KIAA1217: variants seen among roughly 807,000 people sequenced by gnomAD.
KIAA1217 encodes KIAA1217, also known as sickle tail protein homolog.
Under a neutral mutation model 163.9 loss-of-function variants are expected in KIAA1217, and 88 were observed. That is an observed-to-expected ratio of 0.54 (90% CI 0.45 to 0.64). The LOEUF is 0.64. Ranked by LOEUF, KIAA1217 falls within the 30% of genes least tolerant of loss-of-function variation. KIAA1217 has a pLI of 0.00. For synonymous variants in KIAA1217, 903 were observed against 923.1 expected, an observed-to-expected ratio of 0.98 and a Z score of 0.39; for missense variants, 2,372 against 2,475.0, an observed-to-expected ratio of 0.96 and a Z score of 0.88.
At chr10:23,816,356 T>G (rs1837313289) in intron 1 of KIAA1217, among the ~76,000 whole-genome samples, 1 of 152,054 alleles carries the variant, frequency 6.6e-6, no homozygotes, top group South Asian at 2.1e-4. Flanking sequence ...GCAGTGGTGC[T>G]ATCTCGGCTC....
chr10:24,281,943 G>C (rs1037193726), intron 2 of KIAA1217, among the ~76,000 whole-genome samples: 1 of 152,068 alleles, frequency 6.6e-6, no homozygotes, highest in Non-Finnish European at 1.5e-5. Flanking sequence ...TGTAGTCCCA[G>C]CTACTCAGGA....
chr10:23,940,460 C>CAAAAAAAACAAAAAAA (rs1843716028), intron 1 of KIAA1217, among the ~76,000 whole-genome samples: 1 of 46,028 alleles, frequency 2.2e-5, no homozygotes, highest in Admixed American at 2.7e-4. Flanking sequence ...GACTCCGTCT[C>CAAAAAAAACAAAAAAA]AAAAAAAAAA....
intron 2 of KIAA1217, among the ~76,000 whole-genome samples, chr10:24,256,898 AAGGTCAT>A (rs1184279295): frequency 6.6e-6 from 1 of 152,204 alleles, no homozygotes; most frequent in African/African-American, 2.4e-5. Context: ...GACGCATCAT[AAGGTCAT>A]AGGTCAGTGA....
intron 1 of KIAA1217, among the ~76,000 whole-genome samples, chr10:23,766,352 C>G (rs1834514732): frequency 6.6e-6 from 1 of 152,182 alleles, no homozygotes; most frequent in South Asian, 2.1e-4. Context: ...ATAGTGTCCT[C>G]AAGTTTGTCG....
intron 1 of KIAA1217, among the ~76,000 whole-genome samples, chr10:23,846,455 G>T (rs71420945): frequency 6.6e-6 from 1 of 152,100 alleles, no homozygotes; most frequent in Non-Finnish European, 1.5e-5. Flanking sequence ...CACCTCCCTT[G>T]TAAGTTGTAT....
chr10:23,853,693 C>A (rs1222769800), intron 1 of KIAA1217, among the ~76,000 whole-genome samples: 2 of 152,106 alleles, frequency 1.3e-5, no homozygotes, highest in East Asian at 3.9e-4. Context: ...AATTTCAGAG[C>A]CTGTTATTGG....
chr10:24,259,757 CG>C (rs1361611841), intron 2 of KIAA1217, among the ~76,000 whole-genome samples: 4 of 152,146 alleles, frequency 2.6e-5, no homozygotes, highest in African/African-American at 9.7e-5. Flanking sequence ...GTGACAGACA[CG>C]GGGGAACCTG....
intron 2 of KIAA1217, among the ~76,000 whole-genome samples, chr10:24,135,496 G>A (rs2063800302): frequency 6.6e-6 from 1 of 151,932 alleles, no homozygotes. Context: ...TGCTCAGGGA[G>A]GCAGAAATAA....
chr10:24,260,517 AGT>A (rs1263515841), intron 2 of KIAA1217, among the ~76,000 whole-genome samples: 2 of 147,380 alleles, frequency 1.4e-5, no homozygotes, highest in African/African-American at 2.5e-5. Context: ...TGGGAGGCTG[AGT>A]CAGAAGGATC....
chr10:24,226,996 T>C (rs922629244), intron 2 of KIAA1217, among the ~76,000 whole-genome samples: 1 of 152,152 alleles, frequency 6.6e-6, no homozygotes, highest in African/African-American at 2.4e-5. Context: ...TCTACCTAAC[T>C]TACTTGGTAT....
intron 1 of KIAA1217, among the ~76,000 whole-genome samples, chr10:23,792,488 T>TTTA (rs759981180): frequency 1.3e-3 from 191 of 151,574 alleles, no homozygotes; most frequent in Non-Finnish European, 2.4e-3. Flanking sequence ...TTTTTATTTA[T>TTTA]TTATTATTAT....
chr10:24,216,682 C>T (rs577428618), intron 1 of KIAA1217, among the ~76,000 whole-genome samples: 1 of 151,384 alleles, frequency 6.6e-6, no homozygotes, highest in Non-Finnish European at 1.5e-5. Flanking sequence ...CAAAAATTAG[C>T]CGGGCATGGT....
At chr10:23,910,951 C>G (rs949608008) in intron 1 of KIAA1217, among the ~76,000 whole-genome samples, 7 of 152,150 alleles carry the variant, frequency 4.6e-5, no homozygotes, top group African/African-American at 1.7e-4. Flanking sequence ...CAGCAATGGC[C>G]ATACCCTGGA....
intron 1 of KIAA1217, among the ~76,000 whole-genome samples, chr10:23,893,409 T>C (rs1841502150): frequency 6.6e-6 from 1 of 152,110 alleles, no homozygotes; most frequent in African/African-American, 2.4e-5. Flanking sequence ...TTGCTAGTGG[T>C]CTATCAATTT....
Position 23,798,809 on chromosome 10 carries a change from A to G in KIAA1217, c.-321+103575A>G, listed in dbSNP as rs371768708. ...CTGTCTATCATGTTCAGTTTGGCTC[A>G]AGCGTAGAGTCCATTGGAAGGAAGG... On this transcript the variant is annotated intron_variant, in intron 1 of 18. Coordinates refer to the KIAA1217 transcript ENST00000376462. Among the ~76,000 whole-genome samples, 44 of 152,334 alleles carry G rather than the reference A, an allele frequency of 2.9e-4. No individual in the cohort carries two copies. In the East Asian group the frequency reaches 5.6e-3, roughly 19 times the overall value.
At chr10:23,943,459 A>G (rs1016160179) in intron 1 of KIAA1217, among the ~76,000 whole-genome samples, 1 of 152,240 alleles carries the variant, frequency 6.6e-6, no homozygotes, top group Non-Finnish European at 1.5e-5. Flanking sequence ...CATTTCTGAT[A>G]GGATAAATAG....
At chr10:24,516,044 A>G (rs1240723634) in intron 10 of KIAA1217, among the ~76,000 whole-genome samples, 4 of 152,376 alleles carry the variant, frequency 2.6e-5, no homozygotes, top group Non-Finnish European at 5.9e-5. Context: ...GCATTCCAGC[A>G]TGGATATCAG....
At chr10:24,494,995 T>A (rs1487713434) in intron 7 of KIAA1217, 152 bp from the exon 8 acceptor site, 3 of 652,732 alleles carry the variant, frequency 4.6e-6, no homozygotes, top group Non-Finnish European at 7.7e-6. Context: ...GCCTTTTCCA[T>A]CCTGGCCAAT....
chr10:23,726,979 CTTTTTTTT>C (rs1012125050), intron 1 of KIAA1217, among the ~76,000 whole-genome samples: 17 of 93,412 alleles, frequency 1.8e-4, no homozygotes, highest in African/African-American at 5.8e-4. Context: ...GTATAGGCCT[CTTTTTTTT>C]TTTTTTTTTT....
Sources: gnomAD v4.1 joint callset for allele counts (sites outside exome capture counted in the v4.1 genomes callset) on GRCh38, gnomAD v4.1.1 for gene constraint, MANE v1.5 for transcripts, NCBI Gene and HGNC (gene_info 2026-07-23, HGNC 2026-07-21) for gene names.